The following NPR2 variants were observed in gnomAD, a reference collection of about 807,000 sequenced individuals.
NPR2 encodes atrial natriuretic peptide receptor 2.
In NPR2, 49 loss-of-function variants were observed where a neutral mutation model predicts 120.7. The ratio of observed to expected loss-of-function variants is 0.41; its 90% CI spans 0.32 to 0.52. The LOEUF is 0.52. Ranked by LOEUF, NPR2 falls within the 20% of genes least tolerant of loss-of-function variation. The pLI, the probability that NPR2 is intolerant of heterozygous loss-of-function variation, is 0.36. For missense variants in NPR2, 931 were observed against 1,362.9 expected (o/e 0.68, Z 4.99); for synonymous variants, 484 against 519.8 (o/e 0.93, Z 0.94).
rs370888714 is a variant in NPR2, at chr9:35,800,637, C to T, written c.1219-72C>T. On this transcript the variant is annotated intron_variant, in intron 5 of 21. Coordinates refer to ENST00000342694, the MANE Select transcript of NPR2 (RefSeq NM_003995.4). This position sits in a 1 kb window ranked among gnomAD's most constrained non-coding sequence, Gnocchi z 4.7. ...GGTGGTAGGCTGGGGAGAAAAGCAG[C>T]GAAACAGCTGGGGTCTGGGGAGGAG... 297 of 1,611,568 alleles carry T rather than the reference C, an allele frequency of 1.8e-4. 1 individual carries two copies. Among genetic ancestry groups the T allele is most frequent in the Non-Finnish European group, 2.3e-4 (270 of 1,178,308 alleles).
Position 35,801,988 on chromosome 9 carries a change from C to T in NPR2, c.1620C>T (p.Thr540=), listed in dbSNP as rs549855737. 24 of 1,613,974 alleles carry T rather than the reference C, an allele frequency of 1.5e-5. No individual in the cohort carries two copies. Among genetic ancestry groups the T allele is most frequent in the Admixed American group, 5.0e-5 (3 of 60,024 alleles). Reference sequence around the variant, plus strand: ...GGAAATACCAGATCTTTGCCAACACCGGTCACTTCAAGGTGAACAGTCATT... The same window carrying T: ...GGAAATACCAGATCTTTGCCAACACTGGTCACTTCAAGGTGAACAGTCATT... ...AHGKYQIFAN[T]GHFKGNVVAI... The change falls in exon 9 of 22, where the codon ACC becomes ACT. Residue 540 remains threonine, a synonymous_variant. Coordinates refer to ENST00000342694, the MANE Select transcript of NPR2 (RefSeq NM_003995.4).
Position 35,809,591 on chromosome 9 carries a change from G to T in NPR2, c.*146G>T. On this transcript the variant is annotated 3_prime_UTR_variant, in exon 22 of 22. Transcript: ENST00000342694. This position sits in a 1 kb window ranked among gnomAD's most constrained non-coding sequence, Gnocchi z 4.1. ...AAACCTACCTTATATGGAAGTTGTA[G>T]CCCTCTGCAGCTCAGCCCTGTACAT... 7.5e-7 allele frequency: 1 copy of T among 1,330,600 alleles called. No individual in the cohort carries two copies. The highest frequency in any genetic ancestry group is 1.1e-6 in the Non-Finnish European group (1 of 926,430). 82.4% of individuals were successfully genotyped at this position (1,330,600 alleles called of 1,614,324 possible). A position where few individuals can be genotyped will look rare whatever the true frequency, so the allele number is the denominator to read the frequency against.
intron 2 of NPR2, among the ~76,000 whole-genome samples, chr9:35,796,345 C>T (rs947083697): frequency 6.6e-6 from 1 of 152,142 alleles, no homozygotes; most frequent in Non-Finnish European, 1.5e-5. Context: ...GACACCATGC[C>T]CAGATAATTT....
At position 35,809,665 on chromosome 9, in the gene NPR2, A is replaced by G; in HGVS notation, c.*220A>G. 8.9e-7 allele frequency: 1 copy of G among 1,124,090 alleles called. No homozygotes were observed. The highest frequency in any genetic ancestry group is 1.3e-6 in the Non-Finnish European group (1 of 746,166). 69.6% of individuals were successfully genotyped at this position (1,124,090 alleles called of 1,614,324 possible). On this transcript the variant is annotated 3_prime_UTR_variant, in exon 22 of 22. Coordinates refer to ENST00000342694, the MANE Select transcript of NPR2 (RefSeq NM_003995.4). The surrounding 1 kb of genome is among the most constrained non-coding windows in gnomAD (Gnocchi z 4.1). ...TCCCCTTCCTCCCTACTTTCTGTAA[A>G]TATCTGTATCTAAACCAGAATATTT...
Position 35,808,803 on chromosome 9 carries a change from T to G in NPR2, c.2936T>G (p.Leu979Arg). ...VVGLKMPRYC[L>R]FGDTVNTASR... ...GGCCTGAAGATGCCCCGTTATTGTC[T>G]TTTTGGAGACACAGTGAACACTGCT... The change falls in exon 20 of 22, where the codon CTT becomes CGT. Residue 979 changes from leucine (L) to arginine (R), a missense_variant. This residue lies in a region of NPR2 where 184 missense variants were observed against 328.3 expected (regional missense o/e 0.56). Transcript: ENST00000342694. This position sits in a 1 kb window ranked among gnomAD's most constrained non-coding sequence, Gnocchi z 4.0. The G allele has an allele frequency of 6.2e-7, 1 of 1,613,378 alleles. No homozygotes were observed. Among genetic ancestry groups the G allele is most frequent in the Non-Finnish European group, 8.5e-7 (1 of 1,179,250 alleles).
Position 35,809,458 on chromosome 9 carries a change from TC to T in NPR2, c.*15del. On this transcript the variant is annotated 3_prime_UTR_variant, in exon 22 of 22. Transcript: ENST00000342694. The surrounding 1 kb of genome is among the most constrained non-coding windows in gnomAD (Gnocchi z 4.1). ...TGGACTCCTGTAAACCCCCATTCTT[TC>T]CAAGTCAGATAGTCTTCTGCTGCTG... 1 of 1,614,142 alleles carries T rather than the reference TC, an allele frequency of 6.2e-7. No homozygotes were observed. Among genetic ancestry groups the T allele is most frequent in the Middle Eastern group, 1.6e-4 (1 of 6,062 alleles).
In NPR2 at chr9:35,792,474, G is replaced by A. The variant is rs1205161374; in HGVS notation, c.66G>A (p.Ala22=). 7 of 1,610,806 alleles carry A rather than the reference G, an allele frequency of 4.3e-6. No individual in the cohort carries two copies. Among genetic ancestry groups the A allele is most frequent in the Non-Finnish European group, 4.2e-6 (5 of 1,179,882 alleles). Residue 22 remains alanine, a synonymous_variant, in exon 1 of 22, where the codon GCG becomes GCA. Coordinates refer to ENST00000342694, the MANE Select transcript of NPR2 (RefSeq NM_003995.4). ...CAGGTGGGGTGCGTCCTCCCGGGGC[G>A]CGGAACCTGACGCTGGCGGTGGTGC... ...ALAGGVRPPG[A]RNLTLAVVLP...
Position 35,806,960 on chromosome 9 carries a change from T to A in NPR2, c.2520-63T>A. 3 of 1,589,570 alleles carry A rather than the reference T, an allele frequency of 1.9e-6. No homozygotes were observed. The highest frequency in any genetic ancestry group is 2.6e-6 in the Non-Finnish European group (3 of 1,159,066). On this transcript the variant is annotated intron_variant, in intron 16 of 21. Transcript: ENST00000342694. This position sits in a 1 kb window ranked among gnomAD's most constrained non-coding sequence, Gnocchi z 4.6. ...CATCTCTGCTGCAGCCACATACACTTTCCCTCTCTCTTCCACTCCTGCTCT... is the reference window on the plus strand; with the variant it reads ...CATCTCTGCTGCAGCCACATACACTATCCCTCTCTCTTCCACTCCTGCTCT...
In NPR2 at chr9:35,800,670, G is replaced by A; in HGVS notation, c.1219-39G>A. The A allele has an allele frequency of 6.2e-7, 1 of 1,613,956 alleles. No individual in the cohort carries two copies. The highest frequency in any genetic ancestry group is 8.5e-7 in the Non-Finnish European group (1 of 1,180,004). The stretch of plus-strand genomic sequence containing the variant: ...CTGGGGTCTGGGGAGGAGGCTGGTG[G>A]GAGCAGGCCTGTGGGCCCAGCTTTT... On this transcript the variant is annotated intron_variant, in intron 5 of 21. Coordinates refer to ENST00000342694, the MANE Select transcript of NPR2 (RefSeq NM_003995.4). This position sits in a 1 kb window ranked among gnomAD's most constrained non-coding sequence, Gnocchi z 4.7.
At chr9:35,796,022 C>T (rs1309000809) in intron 2 of NPR2, among the ~76,000 whole-genome samples, 1 of 151,972 alleles carries the variant, frequency 6.6e-6, no homozygotes, top group African/African-American at 2.4e-5. Flanking sequence ...AATAAGTAAG[C>T]AAATAAATAC....
Position 35,803,393 on chromosome 9 carries a change from C to T in NPR2, c.1887+590C>T, listed in dbSNP as rs1828248053. Among the ~76,000 whole-genome samples the T allele has an allele frequency of 2.4e-5, 2 of 82,116 alleles. 1 individual carries two copies. Among genetic ancestry groups the T allele is most frequent in the Admixed American group, 2.3e-4 (2 of 8,752 alleles). 53.9% of individuals were successfully genotyped at this position (82,116 alleles called of 152,430 possible). A position where few individuals can be genotyped will look rare whatever the true frequency, so the allele number is the denominator to read the frequency against. The stretch of plus-strand genomic sequence containing the variant: ...TGCTGGGATTACAGGCGTGAGCCAC[C>T]GCGCCCGGCCTGAACATATTTATCT... On this transcript the variant is annotated intron_variant, in intron 12 of 21. Coordinates refer to ENST00000342694, the MANE Select transcript of NPR2 (RefSeq NM_003995.4).
chr9:35,803,447 C>T lies in NPR2; in HGVS notation c.1887+644C>T, dbSNP rs148062594. On this transcript the variant is annotated intron_variant, in intron 12 of 21. Coordinates refer to ENST00000342694, the MANE Select transcript of NPR2 (RefSeq NM_003995.4). ...GTTTTTCCTCTCATTATTTTACTCT[C>T]CGAACATATTTATCTCCTGTTTTTC... Among the ~76,000 whole-genome samples, 8 of 152,284 alleles carry T rather than the reference C, an allele frequency of 5.3e-5. No homozygotes were observed. In the East Asian group the frequency reaches 1.2e-3, roughly 22 times the overall value.
In NPR2 at chr9:35,801,989, G is replaced by T. The variant is rs369386073; in HGVS notation, c.1621G>T (p.Gly541Cys). 2 of 1,613,826 alleles carry T rather than the reference G, an allele frequency of 1.2e-6. No homozygotes were observed. The highest frequency in any genetic ancestry group is 1.7e-5 in the Admixed American group (1 of 60,006). The change falls in exon 9 of 22, where the codon GGT becomes TGT. Residue 541 changes from glycine to cysteine, a missense_variant. Gly to Cys is a radical substitution (Grantham distance 159). This residue lies in a region of NPR2 where 681 missense variants were observed against 974.3 expected (regional missense o/e 0.70). Coordinates refer to ENST00000342694, the MANE Select transcript of NPR2 (RefSeq NM_003995.4). ...HGKYQIFANT[G>C]HFKGNVVAIK... ...GAAATACCAGATCTTTGCCAACACC[G>T]GTCACTTCAAGGTGAACAGTCATTT...
At position 35,800,014 on chromosome 9, in the gene NPR2, A is replaced by AC; in HGVS notation, c.988-3dup. 6.2e-7 allele frequency: 1 copy of AC among 1,613,776 alleles called. No individual in the cohort carries two copies. The highest frequency in any genetic ancestry group is 1.1e-5 in the South Asian group (1 of 91,054). ...TTTGGAGAGTACTGCTGAAGTTGCC[A>AC]CCCCCAGATGAACCTCATCGCTGGC... On this transcript the variant is annotated splice_polypyrimidine_tract_variant and splice_region_variant and intron_variant, in intron 3 of 21. Coordinates refer to ENST00000342694, the MANE Select transcript of NPR2 (RefSeq NM_003995.4). The surrounding 1 kb of genome is among the most constrained non-coding windows in gnomAD (Gnocchi z 4.7).
At position 35,807,943 on chromosome 9, in the gene NPR2, G is replaced by A. The variant is rs553859234; in HGVS notation, c.2712+545G>A. On this transcript the variant is annotated intron_variant, in intron 18 of 21. Transcript: ENST00000342694. ...ATGGGAATAATAGATTCGTTGTATG[G>A]AAAGTACCTAACATTGTTTGGCATG... The A allele has an allele frequency of 9.2e-6, 5 of 544,654 alleles. No individual in the cohort carries two copies. In the African/African-American group the frequency reaches 9.5e-5, roughly 10 times the overall value. 33.7% of individuals were successfully genotyped at this position (544,654 alleles called of 1,614,324 possible).
In NPR2 at chr9:35,806,079, G is replaced by T; in HGVS notation, c.2218G>T (p.Val740Leu). 5.6e-6 allele frequency: 9 copies of T among 1,614,178 alleles called. No homozygotes were observed. Among genetic ancestry groups the T allele is most frequent in the Non-Finnish European group, 7.6e-6 (9 of 1,180,040 alleles). The change falls in exon 15 of 22, where the codon GTA (valine) becomes TTA (leucine). Residue 740 changes from valine (V) to leucine (L), a missense_variant. By Grantham distance (32) the Val-to-Leu change is conservative. Around this residue, in one of 3 missense-constraint regions of NPR2, gnomAD observed 681 missense variants for 974.3 expected, o/e 0.70. Coordinates refer to ENST00000342694, the MANE Select transcript of NPR2 (RefSeq NM_003995.4). This position sits in a 1 kb window ranked among gnomAD's most constrained non-coding sequence, Gnocchi z 4.6. ...ATCACCCTCAGAGATTGTCCAGAAG[G>T]TACGAAATGGTCAGCGGCCATATTT... ...DLSPKEIVQK[V>L]RNGQRPYFRP...
intron 2 of NPR2, among the ~76,000 whole-genome samples, chr9:35,799,417 A>AACAC (rs10603903): frequency 1.6e-3 from 234 of 147,542 alleles, no homozygotes; most frequent in African/African-American, 4.2e-3. Context: ...TATGCAACAC[A>AACAC]ACACACACAC....
rs747760872 is a variant in NPR2 at position 35,806,571 on chromosome 9, T to C, written c.2519+33T>C. 17 of 1,613,656 alleles carry C rather than the reference T, an allele frequency of 1.1e-5. No homozygotes were observed. The highest frequency in any genetic ancestry group is 1.7e-5 in the Admixed American group (1 of 60,004). Reference sequence around the variant, plus strand: ...TTTGTCCCCCTTCCTGTATTTTCTTTTGGGATTCTGCTCTGTTGGGCTCTG... The same window carrying C: ...TTTGTCCCCCTTCCTGTATTTTCTTCTGGGATTCTGCTCTGTTGGGCTCTG... On this transcript the variant is annotated intron_variant, in intron 16 of 21. Transcript: ENST00000342694. This position sits in a 1 kb window ranked among gnomAD's most constrained non-coding sequence, Gnocchi z 4.6.
rs1588069140 is a variant in NPR2 at position 35,807,137 on chromosome 9, C to A, written c.2634C>A (p.Thr878=). The A allele has an allele frequency of 1.2e-6, 2 of 1,608,460 alleles. No individual in the cohort carries two copies. The highest frequency in any genetic ancestry group is 3.3e-5 in the Admixed American group (2 of 59,918). The change falls in exon 17 of 22, where the codon ACC becomes ACA. Residue 878 remains threonine (T), a synonymous_variant. Transcript: ENST00000342694. Reference sequence around the variant, plus strand: ...TCACAGCATTGTCAGCAGAGAGCACCCCCATGCAGGTGAGAGCCATGGGTG... The same window carrying A: ...TCACAGCATTGTCAGCAGAGAGCACACCCATGCAGGTGAGAGCCATGGGTG... ...VGFTALSAES[T]PMQVVTLLND... is the part of the protein sequence containing the mutation.
Sources: allele counts gnomAD v4.1 joint callset (sites outside exome capture counted in the v4.1 genomes callset), GRCh38; gene constraint gnomAD v4.1.1; regional missense constraint gnomAD v4.1.1; non-coding constraint Gnocchi (gnomAD v3.1); transcripts MANE v1.5; gene names NCBI Gene and HGNC (gene_info 2026-07-23, HGNC 2026-07-21).